ESRRG: variants seen among roughly 807,000 people sequenced by gnomAD.
The protein encoded by ESRRG is estrogen-related receptor gamma.
A neutral mutation model predicts 44.0 loss-of-function variants in ESRRG; 13 were observed. The ratio of observed to expected loss-of-function variants is 0.30; its 90% CI spans 0.19 to 0.47. The LOEUF (loss-of-function observed/expected upper bound fraction) is 0.47, where lower values mean the gene tolerates loss of function less well. ESRRG is among the 20% of genes least tolerant of loss of function. The pLI is 1.00. For missense variants in ESRRG, 395 were observed against 580.6 expected (o/e 0.68, Z 3.29); for synonymous variants, 215 against 214.6 (o/e 1.00, Z -0.02).
chr1:217,134,566 C>T (rs2093020790), intron 1 of ESRRG, among the ~76,000 whole-genome samples: 1 of 152,216 alleles, frequency 6.6e-6, no homozygotes, highest in African/African-American at 2.4e-5. Flanking sequence ...TTCTCCACAC[C>T]CCGTACCCCC....
intron 1 of ESRRG, among the ~76,000 whole-genome samples, chr1:216,698,460 A>G (rs1039589464): frequency 1.4e-5 from 2 of 144,532 alleles, no homozygotes; most frequent in South Asian, 4.5e-4. Flanking sequence ...CGGAGCTTGC[A>G]GTGAGCCGAG....
At chr1:216,859,315 G>A (rs1473026902) in intron 2 of ESRRG, among the ~76,000 whole-genome samples, 1 of 152,176 alleles carries the variant, frequency 6.6e-6, no homozygotes, top group Admixed American at 6.5e-5. Context: ...AGAGGCTCCA[G>A]GTCAAATGCA....
intron 2 of ESRRG, among the ~76,000 whole-genome samples, chr1:216,740,250 A>C (rs1006551027): frequency 6.6e-6 from 1 of 152,206 alleles, no homozygotes; most frequent in African/African-American, 2.4e-5. Flanking sequence ...AACAGTGTGG[A>C]GATGTTCCCA....
intron 1 of ESRRG, among the ~76,000 whole-genome samples, chr1:217,019,137 T>A (rs1424136157): frequency 6.6e-6 from 1 of 152,226 alleles, no homozygotes; most frequent in Admixed American, 6.5e-5. Flanking sequence ...CTAACTGTAG[T>A]TCTCATGGAA....
chr1:216,784,261 A>C (rs2094041593), intron 2 of ESRRG, among the ~76,000 whole-genome samples: 1 of 152,008 alleles, frequency 6.6e-6, no homozygotes, highest in Admixed American at 6.6e-5. Context: ...AAAGTGTTTA[A>C]AATATCCACG....
intron 1 of ESRRG, among the ~76,000 whole-genome samples, chr1:217,078,626 T>G (rs1171869851): frequency 6.6e-6 from 1 of 152,182 alleles, no homozygotes; most frequent in Non-Finnish European, 1.5e-5. Flanking sequence ...GACAACAGTG[T>G]AAGGTATTCT....
chr1:216,928,551 T>C (rs2062888077), intron 2 of ESRRG, among the ~76,000 whole-genome samples: 1 of 152,070 alleles, frequency 6.6e-6, no homozygotes, highest in South Asian at 2.1e-4. Flanking sequence ...TTTTTATGAG[T>C]TTCCTAAGCA....
chr1:216,994,785 A>G (rs2150563575), intron 1 of ESRRG, among the ~76,000 whole-genome samples: 1 of 151,262 alleles, frequency 6.6e-6, no homozygotes, highest in African/African-American at 2.4e-5. Flanking sequence ...ACGGGCTTTC[A>G]CTGTGTTACC....
intron 1 of ESRRG, among the ~76,000 whole-genome samples, chr1:216,692,183 G>A (rs1167232639): frequency 3.9e-5 from 6 of 151,906 alleles, no homozygotes; most frequent in East Asian, 1.9e-4. Context: ...TCAGGAGAAG[G>A]CATTGTTGTC....
intron 2 of ESRRG, among the ~76,000 whole-genome samples, chr1:216,776,946 C>T (rs11572625): frequency 9.2e-5 from 14 of 152,116 alleles, no homozygotes; most frequent in Admixed American, 2.6e-4. Flanking sequence ...AGTTGGAAGA[C>T]AAACGAGGGC....
chr1:216,799,938 C>G (rs1246761082), intron 2 of ESRRG, among the ~76,000 whole-genome samples: 1 of 152,054 alleles, frequency 6.6e-6, no homozygotes, highest in Non-Finnish European at 1.5e-5. Context: ...GAAGGGGAGT[C>G]TCCCCCTCAA....
At chr1:216,775,959 C>T (rs966337861) in intron 2 of ESRRG, among the ~76,000 whole-genome samples, 2 of 151,994 alleles carry the variant, frequency 1.3e-5, no homozygotes, top group Admixed American at 1.3e-4. Context: ...CTCACCAACA[C>T]CATTGCAAAA....
intron 2 of ESRRG, among the ~76,000 whole-genome samples, chr1:216,818,712 C>G (rs2095218045): frequency 6.6e-6 from 1 of 152,050 alleles, no homozygotes; most frequent in Admixed American, 6.6e-5. Context: ...CATCCCATCA[C>G]CCAGGTATTA....
At chr1:216,987,156 CTTTG>C (rs1286633817) in intron 1 of ESRRG, among the ~76,000 whole-genome samples, 1 of 152,120 alleles carries the variant, frequency 6.6e-6, no homozygotes, top group Non-Finnish European at 1.5e-5. Flanking sequence ...TATTTGTAAG[CTTTG>C]TTACATTTAA....
intron 3 of ESRRG, among the ~76,000 whole-genome samples, chr1:216,598,390 A>C (rs550999757): frequency 6.6e-6 from 1 of 152,322 alleles, no homozygotes; most frequent in East Asian, 1.9e-4. Flanking sequence ...AATCTCTTGA[A>C]CTGCATTAAT....
At chr1:216,868,079 C>CTTTTTTTTTTT (rs58738849) in intron 2 of ESRRG, among the ~76,000 whole-genome samples, 3 of 78,356 alleles carry the variant, frequency 3.8e-5, no homozygotes, top group Non-Finnish European at 4.4e-5. Flanking sequence ...TATATTGATC[C>CTTTTTTTTTTT]TTTTTTTTTT....
At chr1:217,082,832 T>A (rs1289923830) in intron 1 of ESRRG, among the ~76,000 whole-genome samples, 1 of 152,190 alleles carries the variant, frequency 6.6e-6, no homozygotes, top group East Asian at 1.9e-4. Flanking sequence ...TTATCACAAG[T>A]GATAAACTTA....
intron 2 of ESRRG, among the ~76,000 whole-genome samples, chr1:216,659,113 A>G (rs963176794): frequency 1.3e-5 from 2 of 152,180 alleles, no homozygotes; most frequent in African/African-American, 2.4e-5. Flanking sequence ...GATCATATAC[A>G]TACAGTTTTG....
chr1:216,611,036 C>G (rs192491730), intron 3 of ESRRG, among the ~76,000 whole-genome samples: 1 of 151,946 alleles, frequency 6.6e-6, no homozygotes, highest in Non-Finnish European at 1.5e-5. Context: ...AACTCCGTCT[C>G]TGCTAAAAAT....
Sources: allele counts gnomAD v4.1 joint callset (sites outside exome capture counted in the v4.1 genomes callset), GRCh38; gene constraint gnomAD v4.1.1; transcripts MANE v1.5; gene names NCBI Gene and HGNC (gene_info 2026-07-23, HGNC 2026-07-21).